SLC9A2: variants seen among roughly 807,000 people sequenced by gnomAD.
The protein encoded by SLC9A2 is solute carrier family 9 member A2.
In SLC9A2, 42 loss-of-function variants were observed where a neutral mutation model predicts 71.7. The ratio of observed to expected loss-of-function variants is 0.59; its 90% CI spans 0.46 to 0.76. The LOEUF (loss-of-function observed/expected upper bound fraction) is 0.76, where lower values mean the gene tolerates loss of function less well. Ranked by LOEUF, SLC9A2 falls within the 30% of genes least tolerant of loss-of-function variation. SLC9A2 has a pLI of 0.00. For missense variants in SLC9A2, 829 were observed against 1,017.4 expected, an observed-to-expected ratio of 0.81 and a Z score of 2.52; for synonymous variants, 396 against 392.5, an observed-to-expected ratio of 1.01 and a Z score of -0.10.
At chr2:102,659,560 C>G (rs1677013765) in intron 2 of SLC9A2, among the ~76,000 whole-genome samples, 1 of 152,136 alleles carries the variant, frequency 6.6e-6, no homozygotes, top group Non-Finnish European at 1.5e-5. Context: ...CTAAGGACAT[C>G]CATTAACTTC....
intron 1 of SLC9A2, among the ~76,000 whole-genome samples, chr2:102,631,544 T>G (rs1360027812): frequency 6.6e-6 from 1 of 152,060 alleles, no homozygotes; most frequent in Non-Finnish European, 1.5e-5. Context: ...GACCTTTTCC[T>G]TAATTTTGAA....
At chr2:102,694,677 C>T (rs1020694327) in intron 6 of SLC9A2, among the ~76,000 whole-genome samples, 174 bp downstream of exon 6, 3 of 152,122 alleles carry the variant, frequency 2.0e-5, no homozygotes, top group Non-Finnish European at 4.4e-5. Flanking sequence ...TATGGCCCCA[C>T]GGTAACTTCT....
intron 3 of SLC9A2, among the ~76,000 whole-genome samples, chr2:102,665,956 C>T (rs1288744896): frequency 6.6e-6 from 1 of 151,938 alleles, no homozygotes; most frequent in East Asian, 1.9e-4. Context: ...TGCTCAGGCA[C>T]CAAGAATTGT....
intron 11 of SLC9A2, among the ~76,000 whole-genome samples, chr2:102,707,863 A>T (rs577424377): frequency 6.6e-6 from 1 of 152,326 alleles, no homozygotes; most frequent in African/African-American, 2.4e-5. Flanking sequence ...AATGCATTTG[A>T]AAGGACTTAG....
intron 1 of SLC9A2, among the ~76,000 whole-genome samples, chr2:102,641,950 C>T (rs922675465): frequency 4.0e-5 from 6 of 151,718 alleles, no homozygotes; most frequent in East Asian, 1.9e-4. Context: ...CTAATGTAAA[C>T]GATGAGTTGG....
intron 1 of SLC9A2, among the ~76,000 whole-genome samples, chr2:102,630,521 T>C (rs935740118): frequency 6.6e-6 from 1 of 152,078 alleles, no homozygotes; most frequent in African/African-American, 2.4e-5. Context: ...TTTTTTAACG[T>C]GTCTAAGTAT....
intron 2 of SLC9A2, among the ~76,000 whole-genome samples, chr2:102,659,083 T>C (rs1677000862): frequency 6.6e-6 from 1 of 152,108 alleles, no homozygotes; most frequent in African/African-American, 2.4e-5. Flanking sequence ...TCCCTCTCCA[T>C]TTGCTCTTAT....
At chr2:102,644,273 T>C (rs1052166619) in intron 1 of SLC9A2, among the ~76,000 whole-genome samples, 7 of 152,106 alleles carry the variant, frequency 4.6e-5, no homozygotes, top group African/African-American at 1.4e-4. Context: ...TGAGGGACTG[T>C]GCATTCTGGC....
At chr2:102,644,763 G>A (rs963066600) in intron 1 of SLC9A2, among the ~76,000 whole-genome samples, 3 of 152,196 alleles carry the variant, frequency 2.0e-5, no homozygotes, top group Non-Finnish European at 4.4e-5. Flanking sequence ...CTCCTCACTA[G>A]GCAAGGCATC....
intron 3 of SLC9A2, among the ~76,000 whole-genome samples, chr2:102,667,265 C>A (rs990266701): frequency 2.0e-5 from 3 of 152,126 alleles, no homozygotes; most frequent in African/African-American, 7.2e-5. Flanking sequence ...AAATGTATGA[C>A]CAGCTAGTTA....
intron 1 of SLC9A2, among the ~76,000 whole-genome samples, chr2:102,656,066 C>T (rs902267828): frequency 2.0e-4 from 31 of 152,224 alleles, no homozygotes; most frequent in African/African-American, 4.8e-4. Context: ...ACAGCCAAAG[C>T]GTAGCATTCT....
chr2:102,656,177 T>C (rs1453357886), intron 1 of SLC9A2, among the ~76,000 whole-genome samples: 1 of 152,234 alleles, frequency 6.6e-6, no homozygotes. Flanking sequence ...TCCAGTGACC[T>C]TCGTGTGTTA....
chr2:102,651,410 C>T (rs893127861), intron 1 of SLC9A2, among the ~76,000 whole-genome samples: 3 of 152,332 alleles, frequency 2.0e-5, no homozygotes, highest in South Asian at 2.1e-4. Flanking sequence ...CTCCCAGCTC[C>T]AGCCAGAGTA....
chr2:102,704,469 G>A, intron 9 of SLC9A2, 75 bp from the exon 10 acceptor site: 1 of 1,456,072 alleles, frequency 6.9e-7, no homozygotes, highest in Non-Finnish European at 9.5e-7. Flanking sequence ...ATGTGGTAAA[G>A]TCTTGGAATT....
chr2:102,659,653 T>A (rs375315643), intron 2 of SLC9A2, among the ~76,000 whole-genome samples: 27 of 152,336 alleles, frequency 1.8e-4, no homozygotes, highest in African/African-American at 6.3e-4. Context: ...TTACCTCACT[T>A]AAGTAACAAA....
At chr2:102,663,932 T>A (rs1034779549) in intron 2 of SLC9A2, among the ~76,000 whole-genome samples, 13 of 152,168 alleles carry the variant, frequency 8.5e-5, no homozygotes, top group African/African-American at 2.9e-4. Flanking sequence ...CCACCAGACA[T>A]GAAGTGCCCG....
rs180751683 is a variant in SLC9A2, at chr2:102,652,602, C to T, written c.290-4962C>T. The stretch of plus-strand genomic sequence containing the variant: ...CCTTTTTAATAGCATTTATCACTTT[C>T]CATCTTGCGTTATAATGATTTGTGC... On this transcript the variant is annotated intron_variant, in intron 1 of 11. Transcript: ENST00000233969. Among the ~76,000 whole-genome samples the T allele has an allele frequency of 2.6e-5, 4 of 152,288 alleles. No individual in the cohort carries two copies. The East Asian group carries it at 7.7e-4, about 29-fold the overall frequency.
chr2:102,700,392 A>G (rs1677851175), intron 7 of SLC9A2, among the ~76,000 whole-genome samples: 2 of 152,130 alleles, frequency 1.3e-5, no homozygotes, highest in Non-Finnish European at 2.9e-5. Flanking sequence ...GGCCCAGAGC[A>G]CTCCTACATT....
At chr2:102,673,426 G>C (rs1677291743) in intron 3 of SLC9A2, among the ~76,000 whole-genome samples, 2 of 152,098 alleles carry the variant, frequency 1.3e-5, no homozygotes, top group African/African-American at 4.8e-5. Context: ...TTCTCCTTCA[G>C]TGCAGATAAT....
Sources: gnomAD v4.1 joint callset for allele counts (sites outside exome capture counted in the v4.1 genomes callset) on GRCh38, gnomAD v4.1.1 for gene constraint, MANE v1.5 for transcripts, NCBI Gene and HGNC (gene_info 2026-07-23, HGNC 2026-07-21) for gene names.